Variants in CSMD3 observed in about 807,000 individuals in gnomAD.
The protein encoded by CSMD3 is CUB and Sushi multiple domains 3.
Under a neutral mutation model 435.2 loss-of-function variants are expected in CSMD3, and 177 were observed. That is an observed-to-expected ratio of 0.41 (90% CI 0.36 to 0.46). CSMD3 has a LOEUF of 0.46. CSMD3 is among the 20% of genes least tolerant of loss of function. The probability of loss-of-function intolerance (pLI) is 0.34; values close to 1 mark genes in which losing one functional copy is unlikely to be tolerated. For synonymous variants in CSMD3, 1,656 were observed against 1,520.5 expected (o/e 1.09, Z -2.07); for missense variants, 4,265 against 4,504.6 (o/e 0.95, Z 1.52).
chr8:112,601,393 C>T (rs1196633114), intron 22 of CSMD3, among the ~76,000 whole-genome samples: 1 of 152,082 alleles, frequency 6.6e-6, no homozygotes, highest in African/African-American at 2.4e-5. Context: ...ATAGTTCTGT[C>T]TCCAGGCCCA....
chr8:112,241,672 C>A (rs1004627430), intron 66 of CSMD3, 48 bp downstream of exon 66: 5 of 1,291,210 alleles, frequency 3.9e-6, no homozygotes, highest in Non-Finnish European at 4.5e-6. Context: ...AAATAGTAGA[C>A]CATTTTTAGA....
chr8:112,806,058 G>A (rs2132357120), intron 12 of CSMD3, among the ~76,000 whole-genome samples: 1 of 152,212 alleles, frequency 6.6e-6, no homozygotes, highest in African/African-American at 2.4e-5. Flanking sequence ...GATGCTGAAG[G>A]CATTATGTAG....
chr8:112,303,663 A>G (rs1479913058), intron 52 of CSMD3, among the ~76,000 whole-genome samples: 1 of 152,168 alleles, frequency 6.6e-6, no homozygotes, highest in Non-Finnish European at 1.5e-5. Flanking sequence ...ACTTTAATTC[A>G]TTAATGTGAT....
At chr8:113,383,020 T>C (rs1168270822) in intron 1 of CSMD3, among the ~76,000 whole-genome samples, 1 of 148,692 alleles carries the variant, frequency 6.7e-6, no homozygotes, top group Non-Finnish European at 1.5e-5. Context: ...TAAACAGTTG[T>C]TAAACACTCT....
intron 1 of CSMD3, among the ~76,000 whole-genome samples, chr8:113,328,735 CTTTTTTTTTTTT>C (rs71281211): frequency 1.7e-5 from 1 of 57,198 alleles, no homozygotes; most frequent in African/African-American, 8.4e-5. Context: ...TCCTTCTTTT[CTTTTTTTTTTTT>C]TTTTTTTTTT....
At chr8:112,650,993 G>C (rs536566586) in intron 18 of CSMD3, among the ~76,000 whole-genome samples, 1 of 152,240 alleles carries the variant, frequency 6.6e-6, no homozygotes, top group South Asian at 2.1e-4. Flanking sequence ...CTTCTGTGTT[G>C]TGGGTGTCCT....
chr8:112,319,087 G>C (rs367888594), intron 46 of CSMD3, 137 bp from the exon 47 acceptor site: 2 of 675,752 alleles, frequency 3.0e-6, no homozygotes. Flanking sequence ...GTATAAGTAG[G>C]AGTTATATTC....
intron 31 of CSMD3, among the ~76,000 whole-genome samples, chr8:112,483,992 G>A (rs1485268113): frequency 6.6e-6 from 1 of 152,172 alleles, no homozygotes; most frequent in Non-Finnish European, 1.5e-5. Flanking sequence ...GGCTGTTGAA[G>A]GTCAAGGTGG....
chr8:112,554,869 G>A (rs1827979691), intron 25 of CSMD3, among the ~76,000 whole-genome samples: 1 of 151,930 alleles, frequency 6.6e-6, no homozygotes, highest in East Asian at 1.9e-4. Context: ...ATTAAGAAAA[G>A]TTTCCTTATT....
chr8:113,145,510 T>G (rs542821304), intron 4 of CSMD3, among the ~76,000 whole-genome samples: 20 of 151,730 alleles, frequency 1.3e-4, no homozygotes, highest in African/African-American at 4.8e-4. Flanking sequence ...AAATTTTTAC[T>G]ATTTGTCATG....
chr8:112,298,003 T>C (rs1048622346), intron 53 of CSMD3, among the ~76,000 whole-genome samples: 1 of 142,918 alleles, frequency 7.0e-6, no homozygotes, highest in Admixed American at 7.4e-5. Context: ...TAGTAAAACA[T>C]TCTGGGGAAT....
At chr8:112,923,292 C>T (rs1243109538) in intron 9 of CSMD3, among the ~76,000 whole-genome samples, 1 of 152,022 alleles carries the variant, frequency 6.6e-6, no homozygotes, top group African/African-American at 2.4e-5. Flanking sequence ...ATTTCCCATC[C>T]CTGTTTCACT....
At position 113,109,630 on chromosome 8, in the gene CSMD3, G is replaced by A. The variant is rs562185933; in HGVS notation, c.710-10667C>T. Among the ~76,000 whole-genome samples the A allele has an allele frequency of 2.0e-5, 3 of 152,278 alleles. No individual in the cohort carries two copies. The South Asian group carries it at 6.2e-4, about 32-fold the overall frequency. On this transcript the variant is annotated intron_variant, in intron 4 of 70. Coordinates refer to ENST00000297405, the MANE Select transcript of CSMD3 (RefSeq NM_198123.2). ...TGAGATTGGGTTCCTAAGGCTTCAA[G>A]CAGCCTTGCTCCCGTGACAGTTCTG...
intron 36 of CSMD3, among the ~76,000 whole-genome samples, chr8:112,385,269 A>G (rs1025218071): frequency 6.6e-6 from 1 of 152,202 alleles, no homozygotes; most frequent in Non-Finnish European, 1.5e-5. Context: ...GATTATTTAC[A>G]TAAATTATTG....
chr8:112,310,939 C>T, intron 50 of CSMD3, 39 bp downstream of exon 50: 1 of 1,537,774 alleles, frequency 6.5e-7, no homozygotes, highest in Non-Finnish European at 9.0e-7. Flanking sequence ...GCTAATCTCA[C>T]ATTCATGTTT....
At chr8:112,742,747 T>A (rs2077340644) in intron 13 of CSMD3, among the ~76,000 whole-genome samples, 1 of 151,986 alleles carries the variant, frequency 6.6e-6, no homozygotes, top group Non-Finnish European at 1.5e-5. Context: ...TTAATAGCAG[T>A]CACTGGTATT....
At position 112,682,466 on chromosome 8, in the gene CSMD3, T is replaced by C; in HGVS notation, c.2653A>G (p.Ser885Gly). The stretch of plus-strand genomic sequence containing the variant: ...CCTCCACATTTTGGAATCAGTCCAC[T>C]CCACATTACTTTTCCATCCATAAGA... ...CILMDGKVMW[S>G]GLIPKCGAPC... Residue 885 changes from serine (S) to glycine (G), a missense_variant, in exon 16 of 71, where the codon AGT (serine) becomes GGT (glycine). Transcript: ENST00000297405. 1 of 1,612,426 alleles carries C rather than the reference T, an allele frequency of 6.2e-7. No homozygotes were observed. The highest frequency in any genetic ancestry group is 8.5e-7 in the Non-Finnish European group (1 of 1,179,706).
At chr8:113,219,135 T>C (rs1234673565) in intron 3 of CSMD3, among the ~76,000 whole-genome samples, 1 of 151,250 alleles carries the variant, frequency 6.6e-6, no homozygotes, top group Non-Finnish European at 1.5e-5. Flanking sequence ...AAGGAGGAAA[T>C]TAAAGGAGAA....
intron 10 of CSMD3, among the ~76,000 whole-genome samples, chr8:112,921,423 T>C (rs1269919476): frequency 6.6e-6 from 1 of 152,068 alleles, no homozygotes; most frequent in East Asian, 1.9e-4. Flanking sequence ...GTCTATGTTG[T>C]ATGATTATTA....
Sources: allele counts gnomAD v4.1 joint callset (sites outside exome capture counted in the v4.1 genomes callset), GRCh38; gene constraint gnomAD v4.1.1; transcripts MANE v1.5; gene names NCBI Gene and HGNC (gene_info 2026-07-23, HGNC 2026-07-21).